CYTH3: variants seen among roughly 807,000 people sequenced by gnomAD.
CYTH3 encodes the protein cytohesin-3.
In CYTH3, 23 loss-of-function variants were observed where a neutral mutation model predicts 55.1. The ratio of observed to expected loss-of-function variants is 0.42; its 90% confidence interval spans 0.30 to 0.59. The LOEUF is 0.59. Ranked by LOEUF, CYTH3 falls within the 20% of genes least tolerant of loss-of-function variation. CYTH3 has a pLI of 0.20. For synonymous variants in CYTH3, 249 were observed against 194.9 expected (o/e 1.28, Z -2.31); for missense variants, 413 against 524.8 (o/e 0.79, Z 2.08).
At chr7:6,185,504 A>T (rs12665882) in intron 4 of CYTH3, among the ~76,000 whole-genome samples, 2 of 151,686 alleles carry the variant, frequency 1.3e-5, no homozygotes, top group African/African-American at 4.8e-5. Flanking sequence ...AGACCATCCT[A>T]GCTAACACAG....
chr7:6,259,782 ATAATAT>A (rs1780266131), intron 1 of CYTH3, among the ~76,000 whole-genome samples: 2 of 22,446 alleles, frequency 8.9e-5, no homozygotes, highest in Non-Finnish European at 1.1e-4. Flanking sequence ...TTATATATAT[ATAATAT>A]ATATATATAT....
intron 4 of CYTH3, among the ~76,000 whole-genome samples, chr7:6,182,964 C>T (rs543157977): frequency 1.3e-5 from 2 of 152,336 alleles, no homozygotes; most frequent in East Asian, 1.9e-4. Context: ...TAACAGAATG[C>T]TACTTGCTTC....
At chr7:6,233,610 C>T (rs372124536) in intron 1 of CYTH3, among the ~76,000 whole-genome samples, 13 of 149,484 alleles carry the variant, frequency 8.7e-5, no homozygotes, top group African/African-American at 3.0e-4. Context: ...GAGCCGAGAT[C>T]GCGCCACTGC....
chr7:6,207,332 G>A (rs146833243), intron 1 of CYTH3, among the ~76,000 whole-genome samples: 1 of 152,090 alleles, frequency 6.6e-6, no homozygotes, highest in East Asian at 1.9e-4. Context: ...CTGACCTCGT[G>A]ATCCACTTGC....
At chr7:6,237,093 T>C (rs561793896) in intron 1 of CYTH3, among the ~76,000 whole-genome samples, 2 of 152,148 alleles carry the variant, frequency 1.3e-5, no homozygotes, top group Non-Finnish European at 2.9e-5. Context: ...GAATTCCTGA[T>C]CAAAGGAGAC....
At chr7:6,245,734 G>A (rs1469729698) in intron 1 of CYTH3, among the ~76,000 whole-genome samples, 4 of 152,212 alleles carry the variant, frequency 2.6e-5, no homozygotes, top group East Asian at 1.9e-4. Context: ...GTGAAACCCC[G>A]TCTCTACTAA....
At chr7:6,207,958 G>A (rs746191283) in intron 1 of CYTH3, among the ~76,000 whole-genome samples, 1 of 151,882 alleles carries the variant, frequency 6.6e-6, no homozygotes, top group African/African-American at 2.4e-5. Flanking sequence ...TTGGGGGGGT[G>A]GGGGGAAAGG....
chr7:6,182,372 A>C (rs541087793), intron 4 of CYTH3, among the ~76,000 whole-genome samples: 1 of 152,172 alleles, frequency 6.6e-6, no homozygotes, highest in South Asian at 2.1e-4. Context: ...TTTAAGAGAC[A>C]GGGTCTCATT....
intron 1 of CYTH3, among the ~76,000 whole-genome samples, chr7:6,255,387 TGATATAGCAAACA>T (rs2115052854): frequency 6.6e-6 from 1 of 152,318 alleles, no homozygotes; most frequent in South Asian, 2.1e-4. Flanking sequence ...ATGGCTGACC[TGATATAGCAAACA>T]GGGAAAAGTT....
chr7:6,263,797 T>C (rs1203982028), intron 1 of CYTH3, among the ~76,000 whole-genome samples: 5 of 147,558 alleles, frequency 3.4e-5, no homozygotes, highest in Admixed American at 3.3e-4. Context: ...GGACACTAAC[T>C]TCAGGAAAAA....
chr7:6,205,351 T>C (rs142206856), intron 1 of CYTH3, among the ~76,000 whole-genome samples: 1 of 152,240 alleles, frequency 6.6e-6, no homozygotes, highest in East Asian at 1.9e-4. Context: ...GGTGGGCAGA[T>C]CACCTGAGGT....
intron 1 of CYTH3, among the ~76,000 whole-genome samples, chr7:6,252,493 C>G (rs17774080): frequency 0.18 from 27,210 of 152,170 alleles, 2,545 homozygotes; most frequent in Non-Finnish European, 0.21. Flanking sequence ...AAGGGAGACT[C>G]CGAGACCCTG....
At chr7:6,250,903 CCTGTAATATTTCA>C (rs1292039877) in intron 1 of CYTH3, among the ~76,000 whole-genome samples, 1 of 152,226 alleles carries the variant, frequency 6.6e-6, no homozygotes, top group Non-Finnish European at 1.5e-5. Flanking sequence ...GTCCCTCGCT[CCTGTAATATTTCA>C]CTGGATCAGA....
Position 6,165,402 on chromosome 7 carries a change from C to T in CYTH3, c.998G>A (p.Ser333Asn), listed in dbSNP as rs2128535309. Residue 333 changes from serine to asparagine, a missense_variant, in exon 12 of 13, where the codon AGC (serine) becomes AAC (asparagine). Ser to Asn is a conservative substitution (Grantham distance 46). Coordinates refer to ENST00000350796, the MANE Select transcript of CYTH3 (RefSeq NM_004227.4). ...GGCCTTGATGACCTGCCCTTTGTGGCTGGGATTGTAGAGCTCAAAACAGTT... is the reference window on the plus strand; with the variant it reads ...GGCCTTGATGACCTGCCCTTTGTGGTTGGGATTGTAGAGCTCAAAACAGTT... ...KPNCFELYNP[S>N]HKGQVIKACK... 1 of 1,613,912 alleles carries T rather than the reference C, an allele frequency of 6.2e-7. No homozygotes were observed. Among genetic ancestry groups the T allele is most frequent in the Non-Finnish European group, 8.5e-7 (1 of 1,179,894 alleles).
In CYTH3 at chr7:6,191,591, CT is replaced by C. The variant is rs1172231329; in HGVS notation, c.35-1061del. ...TTTATAATTTCAGGGTAGGGAAGGA[CT>C]TTTTTTTTTTTTTTTTTTTTTGAGA... On this transcript the variant is annotated intron_variant, in intron 1 of 12. Transcript: ENST00000350796. 6.6e-3 allele frequency among the ~76,000 whole-genome samples: 694 copies of C among 105,066 alleles called. 1 individual carries two copies. Among genetic ancestry groups the C allele is most frequent in the Non-Finnish European group, 8.0e-3 (418 of 52,104 alleles). 68.9% of individuals were successfully genotyped at this position (105,066 alleles called of 152,430 possible). A position where few individuals can be genotyped will look rare whatever the true frequency, so the allele number is the denominator to read the frequency against.
intron 1 of CYTH3, among the ~76,000 whole-genome samples, chr7:6,232,794 T>C (rs1779419138): frequency 1.3e-5 from 2 of 152,142 alleles, no homozygotes; most frequent in Non-Finnish European, 2.9e-5. Context: ...GTTCTGTAAC[T>C]TCCCCCACAC....
intron 1 of CYTH3, among the ~76,000 whole-genome samples, chr7:6,214,480 T>C (rs1309297641): frequency 6.6e-6 from 1 of 152,222 alleles, no homozygotes; most frequent in Admixed American, 6.5e-5. Context: ...TAAGTATTCC[T>C]AAATAACCTA....
At chr7:6,181,917 C>T (rs2128541817) in intron 4 of CYTH3, among the ~76,000 whole-genome samples, 1 of 152,312 alleles carries the variant, frequency 6.6e-6, no homozygotes, top group Non-Finnish European at 1.5e-5. Context: ...GGTTCTTTTT[C>T]ACAATCCCCC....
rs969123624 is a variant in CYTH3 at position 6,164,906 on chromosome 7, G to C, written c.*38C>G. On this transcript the variant is annotated 3_prime_UTR_variant, in exon 13 of 13. Transcript: ENST00000350796. ...GGCCGCCCGCGGTGTCTTTCTGCTGGGGTTGGGTCTTTTACCTGGGTCTTT... is the reference window on the plus strand; with the variant it reads ...GGCCGCCCGCGGTGTCTTTCTGCTGCGGTTGGGTCTTTTACCTGGGTCTTT... 3.7e-6 allele frequency: 6 copies of C among 1,612,862 alleles called. No individual in the cohort carries two copies. The highest frequency in any genetic ancestry group is 5.1e-6 in the Non-Finnish European group (6 of 1,178,950).
Sources: gnomAD v4.1 joint callset for allele counts (sites outside exome capture counted in the v4.1 genomes callset) on GRCh38, gnomAD v4.1.1 for gene constraint, MANE v1.5 for transcripts, NCBI Gene and HGNC (gene_info 2026-07-23, HGNC 2026-07-21) for gene names.